The following IPO11 variants were observed in gnomAD, a reference collection of about 807,000 sequenced individuals.
IPO11 encodes the protein importin-11.
In IPO11, 66 loss-of-function variants were observed where a neutral mutation model predicts 143.2. The ratio of observed to expected loss-of-function variants is 0.46; its 90% CI spans 0.38 to 0.57. The LOEUF (loss-of-function observed/expected upper bound fraction) is 0.57, where lower values mean the gene tolerates loss of function less well. Among genes scored for constraint, IPO11 ranks in the 20% least tolerant of loss-of-function variants. The pLI is 0.00. For synonymous variants in IPO11, 385 were observed against 377.8 expected (o/e 1.02, Z -0.22); for missense variants, 1,026 against 1,141.0 (o/e 0.90, Z 1.45).
rs1554057521 is a variant in IPO11 at position 62,596,274 on chromosome 5, A to AAAAAAAAAAAAAAAAAAG, written c.2678+4611_2678+4612insAAAAAAAAGAAAAAAAAA. Among the ~76,000 whole-genome samples, 367 of 150,806 alleles carry AAAAAAAAAAAAAAAAAAG rather than the reference A, an allele frequency of 2.4e-3. 2 individuals carry two copies. The highest frequency in any genetic ancestry group is 8.5e-3 in the African/African-American group (346 of 40,512). On this transcript the variant is annotated intron_variant, in intron 28 of 29. Transcript: ENST00000325324. The stretch of plus-strand genomic sequence containing the variant: ...ACAGACCAAGGCCCTGTCTCAAAAA[A>AAAAAAAAAAAAAAAAAAG]AAAAAAAAAGAATTTAGCCAGCATT...
chr5:62,455,403 A>G, intron 5 of IPO11, among the ~76,000 whole-genome samples: 1 of 152,112 alleles, frequency 6.6e-6, no homozygotes, highest in East Asian at 1.9e-4. Context: ...CACGCCTGTA[A>G]TCCCAGCTAC....
chr5:62,625,869 A>G (rs749091109), intron 29 of IPO11, among the ~76,000 whole-genome samples: 34 of 152,206 alleles, frequency 2.2e-4, no homozygotes, highest in Admixed American at 5.2e-4. Context: ...AGAGGGGTAT[A>G]CTTTTCTAAT....
At chr5:62,529,555 CTA>C (rs1742476443) in intron 21 of IPO11, among the ~76,000 whole-genome samples, 1 of 151,958 alleles carries the variant, frequency 6.6e-6, no homozygotes, top group Admixed American at 6.6e-5. Context: ...TATATCAGTG[CTA>C]TGTTTAACAA....
intron 5 of IPO11, among the ~76,000 whole-genome samples, chr5:62,455,623 C>G (rs1477004330): frequency 6.6e-6 from 1 of 152,160 alleles, no homozygotes; most frequent in African/African-American, 2.4e-5. Context: ...CAGTGTGCCT[C>G]AACAATTGTT....
chr5:62,513,821 C>T (rs1166160960), intron 19 of IPO11, among the ~76,000 whole-genome samples: 1 of 148,918 alleles, frequency 6.7e-6, no homozygotes, highest in African/African-American at 2.5e-5. Context: ...CGGAGGGGCT[C>T]CTCACTTCTC....
At chr5:62,621,012 G>A (rs1358979472) in intron 29 of IPO11, among the ~76,000 whole-genome samples, 1 of 152,198 alleles carries the variant, frequency 6.6e-6, no homozygotes, top group African/African-American at 2.4e-5. Context: ...GAATGAGTAC[G>A]AGTAGTTTAA....
intron 1 of IPO11, among the ~76,000 whole-genome samples, chr5:62,424,680 A>C (rs1342915162): frequency 6.6e-6 from 1 of 151,394 alleles, no homozygotes; most frequent in Non-Finnish European, 1.5e-5. Context: ...AGGCTCAAGC[A>C]GTTCTCCTGC....
chr5:62,415,688 G>A (rs1450178227), intron 1 of IPO11, among the ~76,000 whole-genome samples: 3 of 150,244 alleles, frequency 2.0e-5, no homozygotes, highest in African/African-American at 4.9e-5. Flanking sequence ...GGCTGGTCTC[G>A]AACTCTCGAC....
At chr5:62,417,559 T>C (rs748277049) in intron 1 of IPO11, among the ~76,000 whole-genome samples, 13 of 152,176 alleles carry the variant, frequency 8.5e-5, no homozygotes, top group Non-Finnish European at 1.6e-4. Context: ...TGTTGGTTAT[T>C]TTTCTCTTTT....
In IPO11 at chr5:62,526,273, T is replaced by A. The variant is rs1742365635; in HGVS notation, c.2012+16T>A. On this transcript the variant is annotated intron_variant, in intron 21 of 29. Transcript: ENST00000325324. ...TAGAATTATGGTAAGAGGAAAAACT[T>A]AATACCATGGATCTTATTTTATTCG... is the stretch of plus-strand genomic sequence containing the variant. 2 of 1,508,628 alleles carry A rather than the reference T, an allele frequency of 1.3e-6. No homozygotes were observed. The highest frequency in any genetic ancestry group is 9.2e-7 in the Non-Finnish European group (1 of 1,084,602). 93.5% of individuals were successfully genotyped at this position (1,508,628 alleles called of 1,614,324 possible).
At chr5:62,546,512 G>C (rs1743194212) in intron 24 of IPO11, among the ~76,000 whole-genome samples, 1 of 152,040 alleles carries the variant, frequency 6.6e-6, no homozygotes, top group African/African-American at 2.4e-5. Context: ...ACGAGCTAAT[G>C]GGTGCAGCAC....
At chr5:62,617,402 T>G (rs1037521788) in intron 29 of IPO11, among the ~76,000 whole-genome samples, 1 of 152,174 alleles carries the variant, frequency 6.6e-6, no homozygotes, top group African/African-American at 2.4e-5. Context: ...TCTCCCATAG[T>G]GGACAAACAG....
At chr5:62,596,244 G>A (rs1355746796) in intron 28 of IPO11, among the ~76,000 whole-genome samples, 1 of 122,968 alleles carries the variant, frequency 8.1e-6, no homozygotes, top group African/African-American at 3.3e-5. Context: ...ACTCCAGCTT[G>A]GGTGACAGAC....
chr5:62,530,942 C>G (rs578090795), intron 22 of IPO11, among the ~76,000 whole-genome samples, 157 bp downstream of exon 22: 52 of 152,176 alleles, frequency 3.4e-4, no homozygotes, highest in African/African-American at 1.1e-3. Flanking sequence ...GGATATATTG[C>G]GTGATGTTGA....
Position 62,451,898 on chromosome 5 carries a change from A to G in IPO11, c.481A>G (p.Lys161Glu). 6.2e-7 allele frequency: 1 copy of G among 1,614,010 alleles called. No homozygotes were observed. Among genetic ancestry groups the G allele is most frequent in the Non-Finnish European group, 8.5e-7 (1 of 1,179,836 alleles). ...TCATGTTACCAAGACACTGGCATCT[A>G]AACGACTTGCTGCTGATAGAAAACT... ...FYHVTKTLAS[K>E]RLAADRKLFY... is the part of the protein sequence containing the mutation. The change falls in exon 5 of 30, where the codon AAA (lysine) becomes GAA (glutamate). Residue 161 changes from lysine to glutamate, a missense_variant. This residue lies in a region of IPO11 where 429 missense variants were observed against 456.3 expected (regional missense o/e 0.94). Transcript: ENST00000325324.
At chr5:62,490,293 A>G (rs1469577609) in intron 15 of IPO11, 73 bp downstream of exon 15, 3 of 923,486 alleles carry the variant, frequency 3.2e-6, no homozygotes, top group African/African-American at 3.5e-5. Flanking sequence ...ACAGGAAGGC[A>G]TTAAAATGGC....
At chr5:62,617,633 T>C (rs1198224419) in intron 29 of IPO11, among the ~76,000 whole-genome samples, 1 of 152,068 alleles carries the variant, frequency 6.6e-6, no homozygotes, top group Admixed American at 6.5e-5. Flanking sequence ...TTAATTTAGT[T>C]ATATATTAAA....
intron 16 of IPO11, among the ~76,000 whole-genome samples, chr5:62,496,723 A>G (rs1426131558): frequency 6.6e-6 from 1 of 152,250 alleles, no homozygotes; most frequent in Non-Finnish European, 1.5e-5. Flanking sequence ...GCATTTATAT[A>G]TATAAACATA....
chr5:62,460,011 A>G (rs902108028), intron 5 of IPO11, among the ~76,000 whole-genome samples: 1 of 152,258 alleles, frequency 6.6e-6, no homozygotes, highest in Non-Finnish European at 1.5e-5. Flanking sequence ...TCTAATAGTC[A>G]ACATTTTGCT....
Sources: gnomAD v4.1 joint callset for allele counts (sites outside exome capture counted in the v4.1 genomes callset) on GRCh38, gnomAD v4.1.1 for gene constraint, gnomAD v4.1.1 regional missense constraint, MANE v1.5 for transcripts, NCBI Gene and HGNC (gene_info 2026-07-23, HGNC 2026-07-21) for gene names.